The following ACE variants were observed in gnomAD, a reference collection of about 807,000 sequenced individuals.
The protein encoded by ACE is angiotensin-converting enzyme.
A neutral mutation model predicts 162.3 loss-of-function variants in ACE; 122 were observed. The ratio of observed to expected loss-of-function variants is 0.75; its 90% CI spans 0.65 to 0.87. The LOEUF (loss-of-function observed/expected upper bound fraction) is 0.87. Among genes scored for constraint, ACE ranks in the 40% least tolerant of loss-of-function variants. The probability of loss-of-function intolerance (pLI) is 0.00; values close to 1 mark genes in which losing one functional copy is unlikely to be tolerated. For synonymous variants in ACE, 796 were observed against 720.6 expected (o/e 1.10, Z -1.68); for missense variants, 1,799 against 1,735.1 (o/e 1.04, Z -0.65).
rs773112969 is a variant in ACE at position 63,493,915 on chromosome 17, C to T, written c.3137-7C>T. The T allele has an allele frequency of 6.2e-7, 1 of 1,614,178 alleles. No homozygotes were observed. Among genetic ancestry groups the T allele is most frequent in the Non-Finnish European group, 8.5e-7 (1 of 1,180,022 alleles). On this transcript the variant is annotated splice_polypyrimidine_tract_variant and splice_region_variant and intron_variant, in intron 20 of 24. Coordinates refer to ENST00000290866, the MANE Select transcript of ACE (RefSeq NM_000789.4). Reference sequence around the variant, plus strand: ...GGGTCTGACAGCTGGGCTCCCTTCCCTTGCAGAGCATGACATCAACTTTCT... The same window carrying T: ...GGGTCTGACAGCTGGGCTCCCTTCCTTTGCAGAGCATGACATCAACTTTCT...
Position 63,483,567 on chromosome 17 carries a change from G to GCGGGGGGCCCCCCCCCCCCCC in ACE, c.1586+10_1586+11insGGGGGGCCCCCCCCCCCCCCC. 6 of 1,589,100 alleles carry GCGGGGGGCCCCCCCCCCCCCC rather than the reference G, an allele frequency of 3.8e-6. No homozygotes were observed. Among genetic ancestry groups the GCGGGGGGCCCCCCCCCCCCCC allele is most frequent in the Non-Finnish European group, 2.6e-6 (3 of 1,165,376 alleles). The stretch of plus-strand genomic sequence containing the variant: ...GTGACACCATACATCAGGTATTAGC[G>GCGGGGGGCCCCCCCCCCCCCC]CCCCCACCCCACCCACCCCCAGTAC... On this transcript the variant is annotated intron_variant, in intron 10 of 24. Transcript: ENST00000290866.
chr17:63,480,628 T>A, intron 5 of ACE, 100 bp downstream of exon 5: 5 of 1,222,850 alleles, frequency 4.1e-6, no homozygotes, highest in East Asian at 2.3e-5. Context: ...GTTGTGACCC[T>A]CACATCTCAC....
At chr17:63,480,313 C>T (rs1329473429) in intron 4 of ACE, 24 bp from the exon 5 acceptor site, 1 of 1,612,668 alleles carries the variant, frequency 6.2e-7, no homozygotes, top group Non-Finnish European at 8.5e-7. Context: ...GCCTGAGCTA[C>T]ATACCTCACC....
At position 63,488,666 on chromosome 17, in the gene ACE, C is replaced by A; in HGVS notation, c.2324C>A (p.Ala775Asp). 1 of 1,613,178 alleles carries A rather than the reference C, an allele frequency of 6.2e-7. No homozygotes were observed. The change falls in exon 16 of 25, where the codon GCC becomes GAC. Residue 775 changes from alanine to aspartate, a missense_variant. Transcript: ENST00000290866. The part of the protein sequence containing the change: ...QLEPDLTNVM[A>D]TSRKYEDLLW... The stretch of plus-strand genomic sequence containing the variant: ...CTACCAGATCTGACGAATGTGATGG[C>A]CACGTCCCGGAAATATGAAGACCTG...
rs2049683253 is a variant in ACE at position 63,480,209 on chromosome 17, C to G, written c.656-128C>G. The G allele has an allele frequency of 3.3e-5, 35 of 1,073,982 alleles. No homozygotes were observed. In the South Asian group the frequency reaches 4.5e-4, roughly 14 times the overall value. The allele number at this position is 1,073,982 out of a possible 1,614,324, so 66.5% of individuals were successfully genotyped here. A position where few individuals can be genotyped will look rare whatever the true frequency, so the allele number is the denominator to read the frequency against. On this transcript the variant is annotated intron_variant, in intron 4 of 24. Coordinates refer to ENST00000290866, the MANE Select transcript of ACE (RefSeq NM_000789.4). ...TAATTAGAAATTGTAGAGTGGCAAC[C>G]CCCAAGCCAATTTTCCAGCTAGCTG...
At position 63,477,061 on chromosome 17, in the gene ACE, AG is replaced by A; in HGVS notation, c.-33del. 1.6e-6 allele frequency: 2 copies of A among 1,236,682 alleles called. No individual in the cohort carries two copies. The highest frequency in any genetic ancestry group is 2.0e-6 in the Non-Finnish European group (2 of 992,758). The allele number at this position is 1,236,682 out of a possible 1,614,324, so 76.6% of individuals were successfully genotyped here. ...ACCCGCAGGGCGGCCGCGGCGCAGG[AG>A]AAGGGGCAGAGCCGAGCACCGCGCA... On this transcript the variant is annotated 5_prime_UTR_variant, in exon 1 of 25. Transcript: ENST00000290866.
In ACE at chr17:63,482,568, C is replaced by T. The variant is rs903738622; in HGVS notation, c.1221C>T (p.Ser407=). The change falls in exon 8 of 25, where the codon TCC becomes TCT. Residue 407 remains serine (S), a synonymous_variant. Transcript: ENST00000290866. The stretch of plus-strand genomic sequence containing the variant: ...TGCAGTACAAGGATCTGCCCGTCTC[C>T]CTGCGTCGGGGGGCCAACCCCGGCT... ...YYLQYKDLPV[S]LRRGANPGFH... is the part of the protein sequence containing the mutation. 1.4e-5 allele frequency: 22 copies of T among 1,614,008 alleles called. No homozygotes were observed. The highest frequency in any genetic ancestry group is 1.8e-5 in the Non-Finnish European group (21 of 1,180,030).
chr17:63,477,701 C>T, intron 1 of ACE: 1 of 587,852 alleles, frequency 1.7e-6, no homozygotes, highest in South Asian at 2.0e-5. Flanking sequence ...TCCACTCGCC[C>T]GGCCTCTTTT....
At position 63,497,485 on chromosome 17, in the gene ACE, T is replaced by TC; in HGVS notation, c.*122dup. On this transcript the variant is annotated 3_prime_UTR_variant, in exon 25 of 25. Coordinates refer to ENST00000290866, the MANE Select transcript of ACE (RefSeq NM_000789.4). The stretch of plus-strand genomic sequence containing the variant: ...AGCCCACCCTGCTCCTCCTGCCCTG[T>TC]CCCTGTCCCCCTCCCCTCCCAGTCC... 1.1e-6 allele frequency: 1 copy of TC among 936,192 alleles called. No individual in the cohort carries two copies. The highest frequency in any genetic ancestry group is 1.7e-6 in the Non-Finnish European group (1 of 599,490). The allele number at this position is 936,192 out of a possible 1,614,324, so 58.0% of individuals were successfully genotyped here.
chr17:63,497,196 G>T lies in ACE; in HGVS notation c.3751G>T (p.Asp1251Tyr). ...CGTCAGCTTCCTGGGCCTGGACCTG[G>T]ATGCGCAGCAGGCCCGCGTGGGCCA... ...GRVSFLGLDL[D>Y]AQQARVGQWL... Residue 1251 changes from aspartate (D) to tyrosine (Y), a missense_variant, in exon 25 of 25, where the codon GAT becomes TAT. Transcript: ENST00000290866. 6.2e-7 allele frequency: 1 copy of T among 1,603,196 alleles called. No individual in the cohort carries two copies.
At position 63,493,956 on chromosome 17, in the gene ACE, T is replaced by C. The variant is rs756512070; in HGVS notation, c.3171T>C (p.Leu1057=). Residue 1057 remains leucine, a synonymous_variant, in exon 21 of 25, where the codon CTT becomes CTC. Transcript: ENST00000290866. The stretch of plus-strand genomic sequence containing the variant: ...TCAACTTTCTGATGAAGATGGCCCT[T>C]GACAAGATCGCCTTTATCCCCTTCA... ...HDINFLMKMA[L]DKIAFIPFSY... is the part of the protein sequence containing the mutation. 1 of 1,614,148 alleles carries C rather than the reference T, an allele frequency of 6.2e-7. No homozygotes were observed. The highest frequency in any genetic ancestry group is 1.1e-5 in the South Asian group (1 of 91,078).
At chr17:63,490,225 G>C (rs927023175) in intron 17 of ACE, 2 of 153,008 alleles carry the variant, frequency 1.3e-5, no homozygotes, top group African/African-American at 4.8e-5. Context: ...AAAGAGCCTT[G>C]AGTCCAAATC....
In ACE at chr17:63,483,870, G is replaced by GCAGTTC. The variant is rs771053807; in HGVS notation, c.1617_1622dup (p.Gln539_Phe540dup). 1.2e-6 allele frequency: 2 copies of GCAGTTC among 1,614,152 alleles called. No homozygotes were observed. The highest frequency in any genetic ancestry group is 3.3e-5 in the Admixed American group (2 of 60,028). The stretch of plus-strand genomic sequence containing the variant: ...GCAGGTACTTTGTGAGTTTTGTCCT[G>GCAGTTC]CAGTTCCAGTTCCATGAAGCCCTGT... On this transcript the variant is annotated inframe_insertion, in exon 11 of 25. Coordinates refer to ENST00000290866, the MANE Select transcript of ACE (RefSeq NM_000789.4).
rs758297410 is a variant in ACE at position 63,480,579 on chromosome 17, G to A, written c.847+51G>A. On this transcript the variant is annotated intron_variant, in intron 5 of 24. Transcript: ENST00000290866. ...TGAGTCCCACGGAAGTGTGGGTCCCGAGGTAGGGGTGGGGGATGTCCAGGG... is the reference window on the plus strand; with the variant it reads ...TGAGTCCCACGGAAGTGTGGGTCCCAAGGTAGGGGTGGGGGATGTCCAGGG... 5.2e-5 allele frequency: 83 copies of A among 1,600,332 alleles called. 1 individual carries two copies. Among genetic ancestry groups the A allele is most frequent in the Admixed American group, 4.2e-4 (25 of 59,994 alleles).
chr17:63,477,411 T>A (rs1391800646), intron 1 of ACE, 68 bp downstream of exon 1: 1 of 1,147,338 alleles, frequency 8.7e-7, no homozygotes, highest in Non-Finnish European at 1.1e-6. Context: ...GCGGCCGGCT[T>A]GTGGGGCGGG....
chr17:63,483,488 G>A lies in ACE; in HGVS notation c.1516G>A (p.Val506Ile), dbSNP rs747001287. ...RTKYQGICPP[V>I]TRNETHFDAG... Reference sequence around the variant, plus strand: ...CAAGTATCAGGGGATCTGTCCTCCTGTTACCCGAAACGAAACCCACTTTGA... The same window carrying A: ...CAAGTATCAGGGGATCTGTCCTCCTATTACCCGAAACGAAACCCACTTTGA... The change falls in exon 10 of 25, where the codon GTT becomes ATT. Residue 506 changes from valine (V) to isoleucine (I), a missense_variant. Physicochemically the swap from Val to Ile is conservative, Grantham distance 29 (BLOSUM62 3). Transcript: ENST00000290866. The A allele has an allele frequency of 1.9e-6, 3 of 1,614,128 alleles. No homozygotes were observed. In the South Asian group the frequency reaches 3.3e-5, roughly 18 times the overall value.
chr17:63,494,854 A>G (rs2030632821), intron 22 of ACE, among the ~76,000 whole-genome samples: 1 of 152,214 alleles, frequency 6.6e-6, no homozygotes, highest in Non-Finnish European at 1.5e-5. Context: ...CTGCGATACA[A>G]TTTGAATTGT....
In ACE at chr17:63,484,250, C is replaced by T. The variant is rs943860130; in HGVS notation, c.1710-80C>T. 3 of 1,478,312 alleles carry T rather than the reference C, an allele frequency of 2.0e-6. No individual in the cohort carries two copies. Among genetic ancestry groups the T allele is most frequent in the African/African-American group, 1.4e-5 (1 of 72,026 alleles). 91.6% of individuals were successfully genotyped at this position (1,478,312 alleles called of 1,614,324 possible). ...GCAGTCCATTGGGGGGCGGAAGTGG[C>T]CAGGGGCATGTGGGCCGGGGTCCAG... On this transcript the variant is annotated intron_variant, in intron 11 of 24. Transcript: ENST00000290866. This position sits in a 1 kb window ranked among gnomAD's most constrained non-coding sequence, Gnocchi z 4.0.
chr17:63,480,328 C>A lies in ACE; in HGVS notation c.656-9C>A, dbSNP rs12720734. 84 of 1,613,428 alleles carry A rather than the reference C, an allele frequency of 5.2e-5. No homozygotes were observed. Among genetic ancestry groups the A allele is most frequent in the Non-Finnish European group, 7.0e-5 (83 of 1,179,956 alleles). ...GCCTGAGCTACATACCTCACCCCCA[C>A]GCCCCCAGGCTTCACAGACACGGGG... On this transcript the variant is annotated splice_polypyrimidine_tract_variant and intron_variant, in intron 4 of 24. Transcript: ENST00000290866.
Sources: allele counts gnomAD v4.1 joint callset (sites outside exome capture counted in the v4.1 genomes callset), GRCh38; gene constraint gnomAD v4.1.1; non-coding constraint Gnocchi (gnomAD v3.1); transcripts MANE v1.5; gene names NCBI Gene and HGNC (gene_info 2026-07-23, HGNC 2026-07-21).